UFSP2: variants seen among roughly 807,000 people sequenced by gnomAD.
UFSP2 encodes ufm1-specific protease 2.
UFSP2 carries 43 observed loss-of-function variants against 60.2 expected under a neutral mutation model. The ratio of observed to expected loss-of-function variants is 0.71; its 90% confidence interval spans 0.56 to 0.92. UFSP2 has a LOEUF of 0.92. UFSP2 is among the 40% of genes least tolerant of loss of function. UFSP2 has a pLI of 0.00. For synonymous variants in UFSP2, 183 were observed against 195.1 expected (o/e 0.94, Z 0.52); for missense variants, 520 against 575.0 (o/e 0.90, Z 0.98).
At position 185,416,708 on chromosome 4, in the gene UFSP2, T is replaced by G. The variant is rs893100163; in HGVS notation, c.334-841A>C. 1.3e-4 allele frequency among the ~76,000 whole-genome samples: 20 copies of G among 152,304 alleles called. No individual in the cohort carries two copies. The South Asian group carries it at 4.1e-3, about 32-fold the overall frequency. On this transcript the variant is annotated intron_variant, in intron 4 of 11. Transcript: ENST00000264689. ...GAAAGCACATGTTGCACCTGGAACA[T>G]CTGATGGGTAGGAAGTGCCCAAAAT...
intron 10 of UFSP2, 23 bp downstream of exon 10, chr4:185,405,757 A>C (rs776971274): frequency 6.2e-6 from 10 of 1,611,782 alleles, no homozygotes; most frequent in Non-Finnish European, 8.5e-6. Flanking sequence ...ACTCTACCAA[A>C]AACAGTGTCT....
intron 2 of UFSP2, among the ~76,000 whole-genome samples, chr4:185,422,038 C>T (rs2095550319): frequency 1.3e-5 from 2 of 152,220 alleles, no homozygotes; most frequent in Non-Finnish European, 2.9e-5. Context: ...AACAGGAAGA[C>T]ATCCTAGAAT....
chr4:185,425,447 T>C (rs1489198333), intron 1 of UFSP2, among the ~76,000 whole-genome samples: 1 of 151,960 alleles, frequency 6.6e-6, no homozygotes, highest in Non-Finnish European at 1.5e-5. Context: ...AGCACCACCA[T>C]TTAGGATAGG....
Position 185,417,052 on chromosome 4 carries a change from C to T in UFSP2, c.334-1185G>A, listed in dbSNP as rs183876484. 2.9e-3 allele frequency among the ~76,000 whole-genome samples: 436 copies of T among 152,256 alleles called. 1 individual carries two copies. Among genetic ancestry groups the T allele is most frequent in the Non-Finnish European group, 4.4e-3 (299 of 68,018 alleles). ...ACTAATTATAAGGGAAAAAATAGTA[C>T]CTTTACCATGGAGAAAACTGGTGGA... On this transcript the variant is annotated intron_variant, in intron 4 of 11. Transcript: ENST00000264689.
At chr4:185,413,382 T>C (rs2095532954) in intron 7 of UFSP2, among the ~76,000 whole-genome samples, 1 of 152,100 alleles carries the variant, frequency 6.6e-6, no homozygotes. Flanking sequence ...AGCGAGACTC[T>C]GTCTCAAAAA....
At position 185,408,255 on chromosome 4, in the gene UFSP2, A is replaced by C. The variant is rs2095523780; in HGVS notation, c.996+16T>G. The C allele has an allele frequency of 6.2e-7, 1 of 1,611,230 alleles. No homozygotes were observed. The highest frequency in any genetic ancestry group is 8.5e-7 in the Non-Finnish European group (1 of 1,177,848). On this transcript the variant is annotated intron_variant, in intron 8 of 11. Transcript: ENST00000264689. Reference sequence around the variant, plus strand: ...AACATACAGTTGATTATAATTTAAAACGGTATGTTCTGTACCTGCTGAATT... The same window carrying C: ...AACATACAGTTGATTATAATTTAAACCGGTATGTTCTGTACCTGCTGAATT...
At position 185,399,977 on chromosome 4, in the gene UFSP2, T is replaced by TA. The variant is rs750447443; in HGVS notation, c.*414dup. 8.2e-6 allele frequency: 13 copies of TA among 1,594,526 alleles called. No individual in the cohort carries two copies. Among genetic ancestry groups the TA allele is most frequent in the East Asian group, 6.7e-5 (3 of 44,720 alleles). ...GGAAGTTTGGGGATAAAACTCTTTTTAAAAAAAAGTTTTTAATGTTAACGT... is the reference window on the plus strand; with the variant it reads ...GGAAGTTTGGGGATAAAACTCTTTTTAAAAAAAAAGTTTTTAATGTTAACGT... On this transcript the variant is annotated 3_prime_UTR_variant, in exon 12 of 12. Coordinates refer to ENST00000264689, the MANE Select transcript of UFSP2 (RefSeq NM_018359.5).
At chr4:185,405,722 C>T in intron 10 of UFSP2, 58 bp downstream of exon 10, 1 of 1,528,738 alleles carries the variant, frequency 6.5e-7, no homozygotes, top group Non-Finnish European at 9.0e-7. Flanking sequence ...ATATTTATAT[C>T]AATGATAAGT....
chr4:185,418,750 G>A lies in UFSP2; in HGVS notation c.103C>T (p.Leu35=). 2 of 1,584,692 alleles carry A rather than the reference G, an allele frequency of 1.3e-6. No homozygotes were observed. Among genetic ancestry groups the A allele is most frequent in the East Asian group, 4.5e-5 (2 of 44,718 alleles). ...GACAGGTCACTCAACACATGTTTCA[G>A]TGCCTTCTTGAGAAAAATTTCTAAA... ...TPNEIFLKKA[L]KHVLSDLSTK... is the part of the protein sequence containing the mutation. The change falls in exon 3 of 12, where the codon CTG becomes TTG. Residue 35 remains leucine (L), a synonymous_variant. Coordinates refer to ENST00000264689, the MANE Select transcript of UFSP2 (RefSeq NM_018359.5).
rs1330181075 is a variant in UFSP2 at position 185,413,708 on chromosome 4, A to T, written c.831+18T>A. The stretch of plus-strand genomic sequence containing the variant: ...ATTACTGATCCAGTGACTCCCATAA[A>T]TAATTAGTTAAACTCACCATACCAG... On this transcript the variant is annotated intron_variant, in intron 7 of 11. Coordinates refer to ENST00000264689, the MANE Select transcript of UFSP2 (RefSeq NM_018359.5). 6 of 1,596,144 alleles carry T rather than the reference A, an allele frequency of 3.8e-6. No individual in the cohort carries two copies. In the Admixed American group the frequency reaches 9.1e-5, roughly 24 times the overall value.
intron 11 of UFSP2, among the ~76,000 whole-genome samples, chr4:185,403,171 C>T (rs755453294): frequency 6.6e-6 from 1 of 152,182 alleles, no homozygotes; most frequent in Non-Finnish European, 1.5e-5. Context: ...TTCTGCTCAT[C>T]TATTTTAAGA....
chr4:185,407,048 A>G (rs1043456045), intron 9 of UFSP2, among the ~76,000 whole-genome samples: 264 of 54,334 alleles, frequency 4.9e-3, no homozygotes, highest in Non-Finnish European at 6.4e-3. Flanking sequence ...TAGAAAATGT[A>G]TTTTTCTGTT....
chr4:185,404,222 G>C (rs1485597978), intron 10 of UFSP2, among the ~76,000 whole-genome samples: 2 of 150,874 alleles, frequency 1.3e-5, no homozygotes, highest in African/African-American at 4.9e-5. Context: ...ACAATCTGCT[G>C]TAGTGCCTCT....
chr4:185,425,173 T>G (rs1432470959), intron 1 of UFSP2, among the ~76,000 whole-genome samples: 2 of 152,116 alleles, frequency 1.3e-5, no homozygotes, highest in Non-Finnish European at 2.9e-5. Context: ...GAGGGAGATG[T>G]CAAGGATGAT....
intron 5 of UFSP2, 84 bp downstream of exon 5, chr4:185,415,626 T>C: frequency 8.3e-7 from 1 of 1,211,810 alleles, no homozygotes; most frequent in Non-Finnish European, 1.1e-6. Flanking sequence ...AATCACACCT[T>C]AGGTATACCT....
chr4:185,414,625 C>T (rs1184286546), intron 6 of UFSP2, among the ~76,000 whole-genome samples: 1 of 152,118 alleles, frequency 6.6e-6, no homozygotes, highest in Admixed American at 6.5e-5. Flanking sequence ...GTCCACATAT[C>T]AAAAAGATGC....
chr4:185,402,298 T>A (rs1291466143), intron 11 of UFSP2: 1 of 455,314 alleles, frequency 2.2e-6, no homozygotes, highest in Non-Finnish European at 4.4e-6. Context: ...TTCAGTAAGA[T>A]ACATGCACCA....
At chr4:185,406,990 ATGTAT>A (rs2095521389) in intron 9 of UFSP2, among the ~76,000 whole-genome samples, 1 of 150,316 alleles carries the variant, frequency 6.7e-6, no homozygotes, top group Admixed American at 6.6e-5. Flanking sequence ...ACAATAGAAA[ATGTAT>A]TTTATTTGTT....
chr4:185,421,612 G>T (rs2095549530), intron 2 of UFSP2, among the ~76,000 whole-genome samples: 1 of 152,178 alleles, frequency 6.6e-6, no homozygotes, highest in Non-Finnish European at 1.5e-5. Flanking sequence ...CTCACCAGCA[G>T]CAGATGCTGG....
Sources: allele counts gnomAD v4.1 joint callset (sites outside exome capture counted in the v4.1 genomes callset), GRCh38; gene constraint gnomAD v4.1.1; transcripts MANE v1.5; gene names NCBI Gene and HGNC (gene_info 2026-07-23, HGNC 2026-07-21).